Variants in MTO1 observed in about 807,000 individuals in gnomAD.
The protein encoded by MTO1 is 5-taurinomethyluridine-[tRNA] synthase subunit MTO1, mitochondrial.
Under a neutral mutation model 71.6 loss-of-function variants are expected in MTO1, and 46 were observed. That is an observed-to-expected ratio of 0.64 (90% confidence interval 0.51 to 0.82). The LOEUF is 0.82. Ranked by LOEUF, MTO1 falls within the 40% of genes least tolerant of loss-of-function variation. The pLI is 0.00. For synonymous variants in MTO1, 297 were observed against 312.1 expected, an observed-to-expected ratio of 0.95 and a Z score of 0.51; for missense variants, 773 against 867.5, an observed-to-expected ratio of 0.89 and a Z score of 1.37.
intron 10 of MTO1, among the ~76,000 whole-genome samples, chr6:73,494,464 A>ATTTTCTTTTT (rs1200167975): frequency 6.8e-6 from 1 of 146,252 alleles, no homozygotes; most frequent in African/African-American, 2.5e-5. Context: ...TAGCAGTGGC[A>ATTTTCTTTTT]TTTTCTTTTT....
chr6:73,493,570 T>C lies in MTO1; in HGVS notation c.1756+1218T>C, dbSNP rs1771890237. 2.6e-5 allele frequency among the ~76,000 whole-genome samples: 4 copies of C among 151,936 alleles called. No homozygotes were observed. In the South Asian group the frequency reaches 8.3e-4, roughly 32 times the overall value. ...AAGGCCCGGCAAATTTTTGTATTTT[T>C]AGTAGAGACAGGGTTTCATCACATT... On this transcript the variant is annotated intron_variant, in intron 10 of 11. Coordinates refer to ENST00000498286, the MANE Select transcript of MTO1 (RefSeq NM_012123.4).
chr6:73,496,478 CTTTTTT>C (rs1010482130), intron 10 of MTO1, among the ~76,000 whole-genome samples: 1 of 146,534 alleles, frequency 6.8e-6, no homozygotes, highest in Non-Finnish European at 1.5e-5. Flanking sequence ...TTTTTTTTTT[CTTTTTT>C]TTAATTATTA....
At chr6:73,464,699 G>C (rs1770927712) in intron 1 of MTO1, among the ~76,000 whole-genome samples, 1 of 151,598 alleles carries the variant, frequency 6.6e-6, no homozygotes, top group Admixed American at 6.6e-5. Context: ...GCCAGGCGTG[G>C]TGGCGTATGC....
At position 73,497,355 on chromosome 6, in the gene MTO1, T is replaced by C. The variant is rs569515495; in HGVS notation, c.1757-381T>C. 2.5e-4 allele frequency among the ~76,000 whole-genome samples: 38 copies of C among 151,846 alleles called. 1 individual carries two copies. The East Asian group carries it at 6.2e-3, about 25-fold the overall frequency. On this transcript the variant is annotated intron_variant, in intron 10 of 11. Coordinates refer to ENST00000498286, the MANE Select transcript of MTO1 (RefSeq NM_012123.4). ...TTTTAGTAGAGATGGCATTTCACCA[T>C]GTTCCCCATGCTGGTCTCGAACTCT... is the stretch of plus-strand genomic sequence containing the variant.
chr6:73,487,618 G>C (rs562183778), intron 9 of MTO1: 1 of 149,090 alleles, frequency 6.7e-6, no homozygotes, highest in Admixed American at 6.7e-5. Context: ...TGTTTCCCAG[G>C]CTGGAGTGCA....
intron 1 of MTO1, among the ~76,000 whole-genome samples, chr6:73,465,553 CTGG>C (rs1403548996): frequency 1.3e-5 from 2 of 151,966 alleles, no homozygotes; most frequent in Non-Finnish European, 2.9e-5. Flanking sequence ...GTAGATTCCT[CTGG>C]TGCTGTATCA....
chr6:73,469,124 C>T (rs1012752643), intron 3 of MTO1, among the ~76,000 whole-genome samples: 1 of 152,096 alleles, frequency 6.6e-6, no homozygotes, highest in Non-Finnish European at 1.5e-5. Flanking sequence ...TCCACCTCAA[C>T]CTCCCAAGTA....
At chr6:73,470,309 C>T (rs549454220) in intron 3 of MTO1, among the ~76,000 whole-genome samples, 9 of 151,970 alleles carry the variant, frequency 5.9e-5, no homozygotes, top group African/African-American at 1.9e-4. Flanking sequence ...CAGGTTCAAG[C>T]GATTCTCCTG....
rs1459252796 is a variant in MTO1, at chr6:73,482,169, C to T, written c.1390C>T (p.Arg464Cys). Residue 464 changes from arginine to cysteine, a missense_variant, in exon 8 of 12, where the codon CGC (arginine) becomes TGC (cysteine). Physicochemically the swap from Arg to Cys is radical, Grantham distance 180. Transcript: ENST00000498286. Reference protein sequence around the residue: ...LTTLGTSEPYRMFTSRVEFRL... With the variant: ...LTTLGTSEPYCMFTSRVEFRL... ...TACTCTGGGCACCAGTGAACCATAC[C>T]GCATGTTTACCAGCCGAGTAGAGTT... 32 of 1,613,990 alleles carry T rather than the reference C, an allele frequency of 2.0e-5. No individual in the cohort carries two copies. Among genetic ancestry groups the T allele is most frequent in the Non-Finnish European group, 2.5e-5 (30 of 1,180,040 alleles).
At chr6:73,470,173 T>C (rs1241608876) in intron 3 of MTO1, among the ~76,000 whole-genome samples, 2 of 151,906 alleles carry the variant, frequency 1.3e-5, no homozygotes, top group African/African-American at 2.4e-5. Flanking sequence ...TGTCATCTTT[T>C]ATTTTATTTT....
At chr6:73,489,057 A>G (rs1385336750) in intron 9 of MTO1, among the ~76,000 whole-genome samples, 2 of 152,228 alleles carry the variant, frequency 1.3e-5, no homozygotes, top group Non-Finnish European at 2.9e-5. Flanking sequence ...GTTTTCTTCT[A>G]GAAATTTTAT....
Position 73,482,263 on chromosome 6 carries a change from C to G in MTO1, c.1465+19C>G, listed in dbSNP as rs1024264399. Reference sequence around the variant, plus strand: ...CTGCGAGGTAACTCTTTCCTGAGTCCTGCAATCCAGCCAGGCATGGTGGCT... The same window carrying G: ...CTGCGAGGTAACTCTTTCCTGAGTCGTGCAATCCAGCCAGGCATGGTGGCT... On this transcript the variant is annotated intron_variant, in intron 8 of 11. Transcript: ENST00000498286. 1.2e-6 allele frequency: 2 copies of G among 1,612,758 alleles called. No individual in the cohort carries two copies. Among genetic ancestry groups the G allele is most frequent in the Non-Finnish European group, 1.7e-6 (2 of 1,179,026 alleles).
chr6:73,476,622 T>C (rs1458579081), intron 4 of MTO1, among the ~76,000 whole-genome samples: 2 of 152,066 alleles, frequency 1.3e-5, no homozygotes, highest in Non-Finnish European at 2.9e-5. Context: ...GATGGTAATA[T>C]ACACATTTAT....
At chr6:73,490,289 T>C (rs1771769062) in intron 9 of MTO1, among the ~76,000 whole-genome samples, 1 of 152,228 alleles carries the variant, frequency 6.6e-6, no homozygotes, top group African/African-American at 2.4e-5. Context: ...AGCTCTTTAG[T>C]TTAATTAGAT....
chr6:73,482,423 T>G, intron 8 of MTO1, 26 bp from the exon 9 acceptor site: 7 of 1,598,062 alleles, frequency 4.4e-6, no homozygotes, highest in Non-Finnish European at 6.0e-6. Flanking sequence ...ACACTTCTCA[T>G]TATATTCTCT....
At chr6:73,494,972 A>C (rs936319158) in intron 10 of MTO1, among the ~76,000 whole-genome samples, 1 of 150,778 alleles carries the variant, frequency 6.6e-6, no homozygotes, top group Non-Finnish European at 1.5e-5. Flanking sequence ...TAGTAGAGAC[A>C]GTGTTTCACC....
chr6:73,476,739 C>A (rs62438380), intron 4 of MTO1, among the ~76,000 whole-genome samples: 29,099 of 151,642 alleles, frequency 0.19, 2,862 homozygotes, highest in Middle Eastern at 0.23. Context: ...TTTATATAAC[C>A]CTTATGCAAT....
intron 9 of MTO1, among the ~76,000 whole-genome samples, chr6:73,488,404 C>T (rs1771712330): frequency 6.6e-6 from 1 of 152,062 alleles, no homozygotes; most frequent in South Asian, 2.1e-4. Flanking sequence ...AACTCCTGGC[C>T]ACAATTAACT....
chr6:73,486,957 T>TATA (rs1050904292), intron 9 of MTO1, among the ~76,000 whole-genome samples: 4 of 151,924 alleles, frequency 2.6e-5, no homozygotes, highest in East Asian at 1.9e-4. Flanking sequence ...ACCCATTCTC[T>TATA]ATAATAATAA....
Sources: gnomAD v4.1 joint callset for allele counts (sites outside exome capture counted in the v4.1 genomes callset) on GRCh38, gnomAD v4.1.1 for gene constraint, MANE v1.5 for transcripts, NCBI Gene and HGNC (gene_info 2026-07-23, HGNC 2026-07-21) for gene names.